Variants in UGT1A3 observed in about 807,000 individuals in gnomAD.
UGT1A3 encodes UDP glucuronosyltransferase family 1 member A3.
In UGT1A3, 31 loss-of-function variants were observed where a neutral mutation model predicts 41.0. The ratio of observed to expected loss-of-function variants is 0.76; its 90% confidence interval spans 0.57 to 1.02. The LOEUF (loss-of-function observed/expected upper bound fraction) is 1.02. UGT1A3 is among the 50% of genes least tolerant of loss of function. The probability of loss-of-function intolerance (pLI) is 0.00; values close to 1 mark genes in which losing one functional copy is unlikely to be tolerated. For missense variants in UGT1A3, 737 were observed against 671.0 expected (o/e 1.10, Z -1.09); for synonymous variants, 262 against 257.6 (o/e 1.02, Z -0.17).
intron 1 of UGT1A3, chr2:233,747,460 C>G: frequency 6.2e-7 from 1 of 1,608,790 alleles, no homozygotes; most frequent in South Asian, 1.1e-5. Context: ...TATGCCATTT[C>G]ATGGACCCAG....
rs556291305 is a variant in UGT1A3, at chr2:233,766,974, G to A, written c.868-60G>A. 4.3e-6 allele frequency: 7 copies of A among 1,611,912 alleles called. No homozygotes were observed. In the East Asian group the frequency reaches 1.6e-4, roughly 36 times the overall value. On this transcript the variant is annotated intron_variant, in intron 1 of 4. Transcript: ENST00000482026. ...GAAGATATCTAATTCATAACTTACT[G>A]TATGTAGTCATCAAAGAATATGAGA... is the stretch of plus-strand genomic sequence containing the variant.
chr2:233,769,855 C>G lies in UGT1A3; in HGVS notation c.1307+1416C>G. On this transcript the variant is annotated intron_variant, in intron 4 of 4. Transcript: ENST00000482026. The surrounding 1 kb of genome is among the most constrained non-coding windows in gnomAD (Gnocchi z 4.4). ...CCTGGGCAACAGAGTGAGACCCTGT[C>G]TCAAAAAAAAAAAAAAAAATGAAAA... is the stretch of plus-strand genomic sequence containing the variant. The G allele has an allele frequency of 2.7e-6, 1 of 372,080 alleles. No individual in the cohort carries two copies. The highest frequency in any genetic ancestry group is 7.2e-5 in the South Asian group (1 of 13,958). 23.0% of individuals were successfully genotyped at this position (372,080 alleles called of 1,614,324 possible).
intron 1 of UGT1A3, among the ~76,000 whole-genome samples, chr2:233,738,417 G>A (rs1690784004): frequency 6.6e-6 from 1 of 152,216 alleles, no homozygotes; most frequent in Non-Finnish European, 1.5e-5. Context: ...ACAGGCAGAG[G>A]CTGGAACAGT....
At chr2:233,755,448 G>A in intron 1 of UGT1A3, 1 of 310,232 alleles carries the variant, frequency 3.2e-6, no homozygotes, top group Non-Finnish European at 6.3e-6. Context: ...CAGTGCTCCT[G>A]GGACTGGCCC....
rs569101199 is a variant in UGT1A3, at chr2:233,772,971, C to T, written c.*412C>T. 9.8e-5 allele frequency: 30 copies of T among 306,230 alleles called. No individual in the cohort carries two copies. Among genetic ancestry groups the T allele is most frequent in the African/African-American group, 6.3e-4 (29 of 45,956 alleles). The allele number at this position is 306,230 out of a possible 1,614,324, so 19.0% of individuals were successfully genotyped here. On this transcript the variant is annotated 3_prime_UTR_variant, in exon 5 of 5. Coordinates refer to ENST00000482026, the MANE Select transcript of UGT1A3 (RefSeq NM_019093.4). ...GCAGATGGTTGCAATTGATCCTTAACCAATAATGGTCAGTCCTCATCTCTG... is the reference window on the plus strand; with the variant it reads ...GCAGATGGTTGCAATTGATCCTTAATCAATAATGGTCAGTCCTCATCTCTG...
At chr2:233,760,220 G>C (rs1697349973) in intron 1 of UGT1A3, 2 of 1,593,686 alleles carry the variant, frequency 1.3e-6, no homozygotes, top group South Asian at 2.2e-5. Flanking sequence ...TTGGTGTATC[G>C]ATTGGTTTTT....
chr2:233,761,187 T>C, intron 1 of UGT1A3: 1 of 1,614,214 alleles, frequency 6.2e-7, no homozygotes, highest in Non-Finnish European at 8.5e-7. Context: ...ATGCGTATAT[T>C]CTTTCAGATG....
intron 1 of UGT1A3, among the ~76,000 whole-genome samples, chr2:233,765,265 C>G (rs1223500650): frequency 6.6e-6 from 1 of 152,098 alleles, no homozygotes; most frequent in Non-Finnish European, 1.5e-5. Context: ...GGTATATACC[C>G]AAAGAAATAT....
intron 1 of UGT1A3, among the ~76,000 whole-genome samples, chr2:233,741,359 CA>C (rs1323316954): frequency 6.6e-6 from 1 of 151,778 alleles, no homozygotes; most frequent in Non-Finnish European, 1.5e-5. Flanking sequence ...CACAAAACCA[CA>C]ATGAAACTGC....
chr2:233,759,597 C>T (rs1299391040), intron 1 of UGT1A3, among the ~76,000 whole-genome samples: 1 of 140,706 alleles, frequency 7.1e-6, no homozygotes, highest in Admixed American at 7.3e-5. Flanking sequence ...CCCCCACCCC[C>T]GACCCGCCCC....
chr2:233,756,940 T>G (rs1408779384), intron 1 of UGT1A3, among the ~76,000 whole-genome samples: 1 of 152,052 alleles, frequency 6.6e-6, no homozygotes, highest in Non-Finnish European at 1.5e-5. Context: ...TTACATAACC[T>G]GAAACCCGGA....
Position 233,769,043 on chromosome 2 carries a change from C to T in UGT1A3, c.1307+604C>T, listed in dbSNP as rs1699778649. 6.6e-6 allele frequency among the ~76,000 whole-genome samples: 1 copy of T among 152,118 alleles called. No individual in the cohort carries two copies. The highest frequency in any genetic ancestry group is 1.5e-5 in the Non-Finnish European group (1 of 68,028). On this transcript the variant is annotated intron_variant, in intron 4 of 4. Coordinates refer to ENST00000482026, the MANE Select transcript of UGT1A3 (RefSeq NM_019093.4). This position sits in a 1 kb window ranked among gnomAD's most constrained non-coding sequence, Gnocchi z 4.4. ...AAAGTTGCCATAATAGACATCTGATCCATAAGTTTCCTGCACAGAAAGAAA... is the reference window on the plus strand; with the variant it reads ...AAAGTTGCCATAATAGACATCTGATTCATAAGTTTCCTGCACAGAAAGAAA...
At chr2:233,739,887 A>G (rs1419215414) in intron 1 of UGT1A3, among the ~76,000 whole-genome samples, 1 of 151,912 alleles carries the variant, frequency 6.6e-6, no homozygotes, top group African/African-American at 2.4e-5. Context: ...GTGTGTTTCC[A>G]CCCAAATCTC....
At chr2:233,730,895 C>G (rs909746979) in intron 1 of UGT1A3, among the ~76,000 whole-genome samples, 5 of 152,098 alleles carry the variant, frequency 3.3e-5, no homozygotes, top group African/African-American at 1.2e-4. Flanking sequence ...GGGATCTACT[C>G]CTTTACCAAA....
At chr2:233,758,038 C>G (rs1696781117) in intron 1 of UGT1A3, among the ~76,000 whole-genome samples, 1 of 152,188 alleles carries the variant, frequency 6.6e-6, no homozygotes, top group Admixed American at 6.5e-5. Flanking sequence ...CCCCTCCTTT[C>G]AGGCAAGGAC....
intron 1 of UGT1A3, chr2:233,748,001 G>A: frequency 6.2e-7 from 1 of 1,613,512 alleles, no homozygotes; most frequent in Non-Finnish European, 8.5e-7. Context: ...ACTTTGTGAT[G>A]GATTACCCCA....
At chr2:233,749,453 C>T (rs1313864160) in intron 1 of UGT1A3, among the ~76,000 whole-genome samples, 3 of 151,804 alleles carry the variant, frequency 2.0e-5, no homozygotes, top group Non-Finnish European at 2.9e-5. Flanking sequence ...TGGAGCAGAA[C>T]GAATTGGGAA....
rs1399305779 is a variant in UGT1A3, at chr2:233,769,284, T to C, written c.1307+845T>C. 6.6e-6 allele frequency among the ~76,000 whole-genome samples: 1 copy of C among 152,226 alleles called. No individual in the cohort carries two copies. The highest frequency in any genetic ancestry group is 1.5e-5 in the Non-Finnish European group (1 of 68,038). ...AACGATTCAAAGGGCAAATGATTTC[T>C]GGATTAAAGTTAGTATATTACTGTC... On this transcript the variant is annotated intron_variant, in intron 4 of 4. Coordinates refer to ENST00000482026, the MANE Select transcript of UGT1A3 (RefSeq NM_019093.4). The surrounding 1 kb of genome is among the most constrained non-coding windows in gnomAD (Gnocchi z 4.4).
intron 1 of UGT1A3, among the ~76,000 whole-genome samples, chr2:233,739,970 G>A (rs887253377): frequency 6.6e-5 from 10 of 151,810 alleles, no homozygotes; most frequent in Admixed American, 4.6e-4. Flanking sequence ...GAATCATATC[G>A]GCAGTTTTCC....
Sources: gnomAD v4.1 joint callset for allele counts (sites outside exome capture counted in the v4.1 genomes callset) on GRCh38, gnomAD v4.1.1 for gene constraint, Gnocchi (gnomAD v3.1) non-coding constraint, MANE v1.5 for transcripts, NCBI Gene and HGNC (gene_info 2026-07-23, HGNC 2026-07-21) for gene names.